PPFIBP1: variants seen among roughly 807,000 people sequenced by gnomAD.
The protein encoded by PPFIBP1 is PPFIB scaffold protein 1, also known as liprin-beta-1.
In PPFIBP1, 112 loss-of-function variants were observed where a neutral mutation model predicts 137.8. That is an observed-to-expected ratio of 0.81 (90% confidence interval 0.70 to 0.95). PPFIBP1 has a LOEUF of 0.95. Ranked by LOEUF, PPFIBP1 falls within the 40% of genes least tolerant of loss-of-function variation. The pLI is 0.00. For synonymous variants in PPFIBP1, 378 were observed against 417.3 expected (o/e 0.91, Z 1.15); for missense variants, 1,083 against 1,196.6 (o/e 0.91, Z 1.40).
At chr12:27,660,692 A>T (rs1321212726) in intron 10 of PPFIBP1, among the ~76,000 whole-genome samples, 192 bp from the exon 11 acceptor site, 1 of 152,236 alleles carries the variant, frequency 6.6e-6, no homozygotes, top group Non-Finnish European at 1.5e-5. Flanking sequence ...TGTTCAGGTG[A>T]GGTAGAAGAT....
At chr12:27,631,732 A>G (rs1002195188) in intron 2 of PPFIBP1, among the ~76,000 whole-genome samples, 5 of 152,200 alleles carry the variant, frequency 3.3e-5, no homozygotes, top group East Asian at 1.9e-4. Flanking sequence ...CTCGGTAACT[A>G]TTGTACCTAT....
At chr12:27,536,301 T>G (rs2135912977) in intron 1 of PPFIBP1, among the ~76,000 whole-genome samples, 1 of 152,318 alleles carries the variant, frequency 6.6e-6, no homozygotes, top group African/African-American at 2.4e-5. Flanking sequence ...TGCATTGCTA[T>G]ATAGGAAAAC....
At chr12:27,638,136 T>A (rs1296752410) in intron 4 of PPFIBP1, among the ~76,000 whole-genome samples, 3 of 152,146 alleles carry the variant, frequency 2.0e-5, no homozygotes, top group Non-Finnish European at 4.4e-5. Context: ...AGATGGATGA[T>A]GGTGATGGCT....
intron 2 of PPFIBP1, among the ~76,000 whole-genome samples, chr12:27,609,233 A>G (rs1387502405): frequency 6.6e-6 from 1 of 152,238 alleles, no homozygotes; most frequent in East Asian, 1.9e-4. Context: ...TTAGAAAACC[A>G]TAGGTATCCA....
intron 2 of PPFIBP1, among the ~76,000 whole-genome samples, chr12:27,594,458 A>G (rs1408809430): frequency 2.0e-5 from 3 of 152,158 alleles, no homozygotes; most frequent in Admixed American, 1.3e-4. Context: ...GATTACAGGA[A>G]TGAGCCACCA....
chr12:27,581,628 A>G (rs2051128938), intron 2 of PPFIBP1, among the ~76,000 whole-genome samples: 1 of 152,002 alleles, frequency 6.6e-6, no homozygotes, highest in African/African-American at 2.4e-5. Context: ...CACTTTCATT[A>G]TTATGTGGGG....
chr12:27,681,560 C>G lies in PPFIBP1; in HGVS notation c.1910C>G (p.Pro637Arg), dbSNP rs1225556260. 1 of 1,613,834 alleles carries G rather than the reference C, an allele frequency of 6.2e-7. No homozygotes were observed. The highest frequency in any genetic ancestry group is 8.5e-7 in the Non-Finnish European group (1 of 1,179,920). The change falls in exon 22 of 30, where the codon CCA (proline) becomes CGA (arginine). Residue 637 changes from proline to arginine, a missense_variant. Physicochemically the swap from Pro to Arg is moderately radical, Grantham distance 103. Coordinates refer to ENST00000228425, the MANE Select transcript of PPFIBP1 (RefSeq NM_003622.4). ...LGQSNSDLDM[P>R]FAKWTKEQVC... ...TTTTCCTGTAGTGACTTGGATATGC[C>G]ATTTGCCAAGTGGACCAAGGAGCAG...
chr12:27,663,374 C>T (rs1051355103), intron 11 of PPFIBP1, among the ~76,000 whole-genome samples: 2 of 152,104 alleles, frequency 1.3e-5, no homozygotes, highest in Non-Finnish European at 2.9e-5. Flanking sequence ...ATGGACAGAA[C>T]CTGGAAGCTC....
intron 13 of PPFIBP1, among the ~76,000 whole-genome samples, chr12:27,669,284 T>A (rs1383586373): frequency 6.6e-6 from 1 of 152,182 alleles, no homozygotes; most frequent in Non-Finnish European, 1.5e-5. Flanking sequence ...AGTTAAGGAA[T>A]AAGAAATACT....
chr12:27,651,927 CA>C (rs1234218618), intron 7 of PPFIBP1, among the ~76,000 whole-genome samples: 2 of 152,166 alleles, frequency 1.3e-5, no homozygotes, highest in Non-Finnish European at 2.9e-5. Context: ...CAATCACATA[CA>C]AAGTGATCTT....
At chr12:27,625,743 C>T (rs1292717636) in intron 2 of PPFIBP1, among the ~76,000 whole-genome samples, 1 of 151,906 alleles carries the variant, frequency 6.6e-6, no homozygotes, top group Non-Finnish European at 1.5e-5. Flanking sequence ...ACCACTATGC[C>T]CAGCTAATTT....
chr12:27,669,012 G>A (rs2060025632), intron 13 of PPFIBP1, among the ~76,000 whole-genome samples: 2 of 152,056 alleles, frequency 1.3e-5, no homozygotes, highest in South Asian at 4.2e-4. Flanking sequence ...AGAAAGACCG[G>A]GAATGGGAAA....
At chr12:27,686,248 G>C (rs1026942628) in intron 24 of PPFIBP1, among the ~76,000 whole-genome samples, 4 of 152,168 alleles carry the variant, frequency 2.6e-5, no homozygotes, top group Admixed American at 6.5e-5. Context: ...TTCTGTAGTA[G>C]ATTACATTTT....
chr12:27,663,540 C>A (rs781058011), intron 11 of PPFIBP1, among the ~76,000 whole-genome samples: 1 of 151,814 alleles, frequency 6.6e-6, no homozygotes, highest in Non-Finnish European at 1.5e-5. Flanking sequence ...ATATGGAGGT[C>A]AAATTAGAAA....
intron 1 of PPFIBP1, among the ~76,000 whole-genome samples, chr12:27,543,870 C>T (rs1336551302): frequency 7.3e-6 from 1 of 136,866 alleles, no homozygotes; most frequent in Non-Finnish European, 1.5e-5. Context: ...AGCCCCCCAC[C>T]CCGCCCCTGC....
chr12:27,553,370 C>T (rs1235530578), intron 1 of PPFIBP1, among the ~76,000 whole-genome samples: 1 of 152,136 alleles, frequency 6.6e-6, no homozygotes, highest in Non-Finnish European at 1.5e-5. Context: ...GTTGGTTCTT[C>T]TGCAGCCCTT....
In PPFIBP1 at chr12:27,689,130, A is replaced by C. The variant is rs147160498; in HGVS notation, c.2612A>C (p.Glu871Ala). ...ATHFNLLIGA[E>A]AQHQKRDAME... ...CATTTCAACCTTCTGATTGGGGCTG[A>C]GGCACAGCACCAGAAGCGAGATGCC... The change falls in exon 27 of 30, where the codon GAG becomes GCG. Residue 871 changes from glutamate (E) to alanine (A), a missense_variant. Coordinates refer to ENST00000228425, the MANE Select transcript of PPFIBP1 (RefSeq NM_003622.4). The C allele has an allele frequency of 7.0e-4, 1,118 of 1,603,626 alleles. 12 individuals are homozygous for C. The African/African-American group carries it at 0.013, about 19-fold the overall frequency.
At chr12:27,658,480 A>G (rs1275513911) in intron 9 of PPFIBP1, among the ~76,000 whole-genome samples, 1 of 152,222 alleles carries the variant, frequency 6.6e-6, no homozygotes, top group Admixed American at 6.5e-5. Flanking sequence ...TGATGGAAAT[A>G]TAAAAACAAA....
At chr12:27,572,723 A>AC (rs1294280950) in intron 1 of PPFIBP1, among the ~76,000 whole-genome samples, 1 of 152,206 alleles carries the variant, frequency 6.6e-6, no homozygotes, top group African/African-American at 2.4e-5. Context: ...GCTAGTATTT[A>AC]CAACACAGTG....
Sources: allele counts gnomAD v4.1 joint callset (sites outside exome capture counted in the v4.1 genomes callset), GRCh38; gene constraint gnomAD v4.1.1; transcripts MANE v1.5; gene names NCBI Gene and HGNC (gene_info 2026-07-23, HGNC 2026-07-21).